TMEM132D: variants seen among roughly 807,000 people sequenced by gnomAD.
The protein encoded by TMEM132D is transmembrane protein 132D.
TMEM132D carries 21 observed loss-of-function variants against 62.3 expected under a neutral mutation model. The observed-to-expected ratio is 0.34, with a 90% CI of 0.24 to 0.49. The LOEUF is 0.49. TMEM132D is among the 20% of genes least tolerant of loss of function. The pLI is 0.99. For missense variants in TMEM132D, 1,346 were observed against 1,402.8 expected, an observed-to-expected ratio of 0.96 and a Z score of 0.65; for synonymous variants, 621 against 575.6, an observed-to-expected ratio of 1.08 and a Z score of -1.13.
intron 5 of TMEM132D, among the ~76,000 whole-genome samples, chr12:129,118,657 T>C (rs762767199): frequency 6.6e-5 from 10 of 152,206 alleles, no homozygotes; most frequent in Non-Finnish European, 1.0e-4. Flanking sequence ...GCACTGCTGT[T>C]TTGATATCAA....
At chr12:129,564,205 C>T (rs1461380257) in intron 2 of TMEM132D, among the ~76,000 whole-genome samples, 2 of 152,108 alleles carry the variant, frequency 1.3e-5, no homozygotes, top group Admixed American at 6.5e-5. Context: ...AGTCCAGGTG[C>T]TAATTAAGGG....
chr12:129,157,687 AC>A, intron 5 of TMEM132D, among the ~76,000 whole-genome samples: 2 of 152,372 alleles, frequency 1.3e-5, no homozygotes, highest in South Asian at 4.1e-4. Context: ...CTGGCTGAAA[AC>A]AAAACCACAG....
Position 129,566,685 on chromosome 12 carries a change from C to T in TMEM132D, c.969-35480G>A, listed in dbSNP as rs919899845. 3.9e-5 allele frequency among the ~76,000 whole-genome samples: 6 copies of T among 152,280 alleles called. No homozygotes were observed. The East Asian group carries it at 1.2e-3, about 29-fold the overall frequency. On this transcript the variant is annotated intron_variant, in intron 2 of 8. Coordinates refer to ENST00000422113, the MANE Select transcript of TMEM132D (RefSeq NM_133448.3). ...GGAAAATCTACATTCTGTAGAGAATCCCCTTCCCTTTCCAGGTCTTTTCCT... is the reference window on the plus strand; with the variant it reads ...GGAAAATCTACATTCTGTAGAGAATTCCCTTCCCTTTCCAGGTCTTTTCCT...
chr12:129,744,121 C>A (rs2137261538), intron 1 of TMEM132D, among the ~76,000 whole-genome samples: 1 of 152,230 alleles, frequency 6.6e-6, no homozygotes. Flanking sequence ...AATTTCCACA[C>A]CTGTAAAATA....
intron 2 of TMEM132D, among the ~76,000 whole-genome samples, chr12:129,580,740 A>ATCC (rs1877829958): frequency 6.6e-6 from 1 of 151,618 alleles, no homozygotes; most frequent in African/African-American, 2.4e-5. Flanking sequence ...AAAATAAATA[A>ATCC]ATAAATAAAT....
At chr12:129,529,636 T>C (rs745943462) in intron 3 of TMEM132D, among the ~76,000 whole-genome samples, 23 of 152,338 alleles carry the variant, frequency 1.5e-4, no homozygotes, top group Middle Eastern at 3.4e-3. Flanking sequence ...GTTCACCGGT[T>C]GAGATTCTTT....
intron 3 of TMEM132D, among the ~76,000 whole-genome samples, chr12:129,363,494 G>T (rs1482595143): frequency 6.6e-6 from 1 of 152,180 alleles, no homozygotes; most frequent in Non-Finnish European, 1.5e-5. Context: ...TCTACTAATG[G>T]TTTTCTCAAC....
intron 5 of TMEM132D, among the ~76,000 whole-genome samples, chr12:129,162,139 G>A (rs1237456097): frequency 1.3e-5 from 2 of 152,120 alleles, no homozygotes; most frequent in African/African-American, 2.4e-5. Context: ...AGGGTCTTTA[G>A]GGAAGTAATT....
chr12:129,097,871 T>C (rs1875167086), intron 5 of TMEM132D, among the ~76,000 whole-genome samples: 1 of 152,270 alleles, frequency 6.6e-6, no homozygotes, highest in Non-Finnish European at 1.5e-5. Flanking sequence ...GCTGAAAGCT[T>C]GTATTCACAA....
intron 4 of TMEM132D, among the ~76,000 whole-genome samples, chr12:129,292,869 A>C (rs1881483661): frequency 1.3e-5 from 2 of 152,200 alleles, no homozygotes; most frequent in Admixed American, 6.5e-5. Context: ...GGAAATGCTA[A>C]GGATCTGAAT....
chr12:129,497,565 T>C (rs889223168), intron 3 of TMEM132D, among the ~76,000 whole-genome samples: 3 of 152,176 alleles, frequency 2.0e-5, no homozygotes, highest in Non-Finnish European at 4.4e-5. Context: ...ACTAAAATCA[T>C]GTCTGATCTG....
chr12:129,433,805 G>A lies in TMEM132D; in HGVS notation c.1116-95988C>T, dbSNP rs370772493. On this transcript the variant is annotated intron_variant, in intron 3 of 8. Transcript: ENST00000422113. ...CCATCAGCAGGAGGGGACACACGGA[G>A]ATGGAGTTCCCTAGTCTTGGATAAC... Among the ~76,000 whole-genome samples the A allele has an allele frequency of 7.1e-4, 108 of 152,328 alleles. 2 individuals are homozygous for A. The South Asian group carries it at 0.021, about 30-fold the overall frequency.
chr12:129,364,822 C>G (rs1870356271), intron 3 of TMEM132D, among the ~76,000 whole-genome samples: 1 of 152,158 alleles, frequency 6.6e-6, no homozygotes, highest in African/African-American at 2.4e-5. Flanking sequence ...GATGTGAGAA[C>G]TCTGATGGAA....
Position 129,531,125 on chromosome 12 carries a change from T to G in TMEM132D, c.1049A>C (p.Asp350Ala). ...AGCTGGTGCATACTTTCCAGTATAA[T>G]CCGTGCGCTCCTTGACATCCCAAAT... ...PSIWDVKERT[D>A]YTGKYAPAVI... Residue 350 changes from aspartate (D) to alanine (A), a missense_variant, in exon 3 of 9, where the codon GAT becomes GCT. Transcript: ENST00000422113. 6.2e-7 allele frequency: 1 copy of G among 1,614,110 alleles called. No homozygotes were observed. The highest frequency in any genetic ancestry group is 8.5e-7 in the Non-Finnish European group (1 of 1,179,986).
At chr12:129,338,972 C>T (rs904165704) in intron 3 of TMEM132D, among the ~76,000 whole-genome samples, 1 of 150,678 alleles carries the variant, frequency 6.6e-6, no homozygotes, top group Non-Finnish European at 1.5e-5. Flanking sequence ...GAGAGACAGA[C>T]AGAGAGAGAG....
chr12:129,401,099 GT>G (rs775396678), intron 3 of TMEM132D, among the ~76,000 whole-genome samples: 6 of 152,164 alleles, frequency 3.9e-5, no homozygotes, highest in Admixed American at 6.5e-5. Context: ...AAGCTGCATG[GT>G]TTTTGGCTGC....
At chr12:129,327,659 C>T (rs1167728276) in intron 4 of TMEM132D, among the ~76,000 whole-genome samples, 1 of 152,184 alleles carries the variant, frequency 6.6e-6, no homozygotes, top group Admixed American at 6.5e-5. Flanking sequence ...TTAGGAAATA[C>T]ATCCTGACAC....
chr12:129,105,615 C>T (rs893271834), intron 5 of TMEM132D, among the ~76,000 whole-genome samples: 2 of 147,968 alleles, frequency 1.4e-5, no homozygotes, highest in African/African-American at 5.1e-5. Flanking sequence ...AGGACATGAA[C>T]AGACAATCCT....
chr12:129,653,648 C>A (rs1294014084), intron 2 of TMEM132D, among the ~76,000 whole-genome samples: 2 of 152,134 alleles, frequency 1.3e-5, no homozygotes, highest in South Asian at 2.1e-4. Context: ...GTTTCCCAAC[C>A]CTTATTGTTG....
Sources: allele counts gnomAD v4.1 joint callset (sites outside exome capture counted in the v4.1 genomes callset), GRCh38; gene constraint gnomAD v4.1.1; transcripts MANE v1.5; gene names NCBI Gene and HGNC (gene_info 2026-07-23, HGNC 2026-07-21).